The following CSMD1 variants were observed in gnomAD, a reference collection of about 807,000 sequenced individuals.
CSMD1 encodes the protein CUB and Sushi multiple domains 1.
In CSMD1, 213 loss-of-function variants were observed where a neutral mutation model predicts 417.5. The ratio of observed to expected loss-of-function variants is 0.51; its 90% CI spans 0.46 to 0.57. CSMD1 has a LOEUF of 0.57. CSMD1 is among the 20% of genes least tolerant of loss of function. The pLI is 0.00. For synonymous variants in CSMD1, 2,862 were observed against 1,736.8 expected (o/e 1.65, Z -16.11); for missense variants, 6,923 against 4,529.7 (o/e 1.53, Z -15.17).
intron 12 of CSMD1, among the ~76,000 whole-genome samples, chr8:3,429,083 T>C (rs778318061): frequency 2.0e-5 from 3 of 152,016 alleles, no homozygotes; most frequent in South Asian, 4.1e-4. Context: ...AGGTGCAGGG[T>C]CTCAGGTAGA....
At chr8:3,898,528 C>A (rs1046952033) in intron 5 of CSMD1, among the ~76,000 whole-genome samples, 1 of 152,202 alleles carries the variant, frequency 6.6e-6, no homozygotes, top group Admixed American at 6.5e-5. Context: ...TCTGTCATAT[C>A]TTTGGGTTGT....
At chr8:4,130,535 C>G (rs1387048443) in intron 3 of CSMD1, among the ~76,000 whole-genome samples, 2 of 152,128 alleles carry the variant, frequency 1.3e-5, no homozygotes, top group East Asian at 1.9e-4. Context: ...CATTAGGATT[C>G]TTCTTTCCTG....
chr8:4,135,437 G>A (rs989249637), intron 3 of CSMD1, among the ~76,000 whole-genome samples: 14 of 149,084 alleles, frequency 9.4e-5, no homozygotes, highest in Non-Finnish European at 3.0e-5. Flanking sequence ...AAGGAGGGAA[G>A]GACGGAAATT....
intron 47 of CSMD1, among the ~76,000 whole-genome samples, chr8:3,092,343 A>C (rs7002758): frequency 0.17 from 25,672 of 152,098 alleles, 3,514 homozygotes; most frequent in African/African-American, 0.39. Flanking sequence ...GATAAATATA[A>C]TAGGATAACA....
At chr8:4,431,315 G>C (rs1243956935) in intron 2 of CSMD1, among the ~76,000 whole-genome samples, 2 of 151,958 alleles carry the variant, frequency 1.3e-5, no homozygotes, top group South Asian at 2.1e-4. Context: ...TTTTTACTTC[G>C]TGATTTTCTT....
At chr8:3,588,753 T>TA (rs11444181) in intron 8 of CSMD1, among the ~76,000 whole-genome samples, 53,078 of 151,804 alleles carry the variant, frequency 0.35, 10,417 homozygotes, top group Middle Eastern at 0.44. Flanking sequence ...CTAAAACCCT[T>TA]ACGCACAGTA....
intron 2 of CSMD1, among the ~76,000 whole-genome samples, chr8:4,566,867 A>T (rs1240277773): frequency 1.1e-5 from 1 of 88,332 alleles, no homozygotes; most frequent in Non-Finnish European, 2.6e-5. Flanking sequence ...TTCTTTAAAA[A>T]ATATTGACTT....
chr8:4,520,813 C>T lies in CSMD1; in HGVS notation c.303-100748G>A, dbSNP rs116679580. Among the ~76,000 whole-genome samples the T allele has an allele frequency of 7.8e-3, 1,192 of 152,054 alleles. 16 individuals carry two copies. The highest frequency in any genetic ancestry group is 0.025 in the African/African-American group (1,030 of 41,488). On this transcript the variant is annotated intron_variant, in intron 2 of 69. Coordinates refer to ENST00000635120, the MANE Select transcript of CSMD1 (RefSeq NM_033225.6). ...GAAAATTTGAAATTATATTGGAGTGCCCTGTAAGTATAACGTATATACCAG... is the reference window on the plus strand; with the variant it reads ...GAAAATTTGAAATTATATTGGAGTGTCCTGTAAGTATAACGTATATACCAG...
At chr8:4,314,022 AATAATAATAATAATG>A (rs1201509955) in intron 3 of CSMD1, among the ~76,000 whole-genome samples, 1 of 150,718 alleles carries the variant, frequency 6.6e-6, no homozygotes, top group Non-Finnish European at 1.5e-5. Context: ...TCAAAATAAT[AATAATAATAATAATG>A]ATAATAATAA....
chr8:3,339,808 T>A (rs896960495), intron 23 of CSMD1, among the ~76,000 whole-genome samples: 2 of 152,170 alleles, frequency 1.3e-5, no homozygotes, highest in East Asian at 1.9e-4. Flanking sequence ...TGGACACTCA[T>A]TGTCCCCGAT....
At chr8:3,075,837 C>T (rs753816924) in intron 49 of CSMD1, among the ~76,000 whole-genome samples, 27 of 149,780 alleles carry the variant, frequency 1.8e-4, no homozygotes, top group African/African-American at 6.6e-4. Flanking sequence ...GTCAGGAGAT[C>T]GAGACCATCC....
At chr8:4,669,761 T>TG (rs1303205830) in intron 1 of CSMD1, among the ~76,000 whole-genome samples, 4 of 152,058 alleles carry the variant, frequency 2.6e-5, no homozygotes, top group African/African-American at 7.2e-5. Context: ...GGGTCAGAGG[T>TG]AGGGGGTACT....
intron 5 of CSMD1, among the ~76,000 whole-genome samples, chr8:3,888,731 C>G (rs1347590269): frequency 2.0e-5 from 3 of 152,082 alleles, no homozygotes; most frequent in African/African-American, 4.8e-5. Flanking sequence ...CTTATTGAGT[C>G]CCAGTCTCTG....
intron 3 of CSMD1, among the ~76,000 whole-genome samples, chr8:4,115,324 T>C (rs1267490867): frequency 6.6e-6 from 1 of 152,258 alleles, no homozygotes. Context: ...AATTAAGGTA[T>C]GTACACATTT....
intron 3 of CSMD1, among the ~76,000 whole-genome samples, chr8:4,283,965 G>A (rs756388255): frequency 2.0e-5 from 3 of 152,150 alleles, no homozygotes. Context: ...AGGGGTGGTG[G>A]CTCACACTTG....
At chr8:3,652,149 TTACCACCATCAGAGC>T (rs1797889805) in intron 7 of CSMD1, among the ~76,000 whole-genome samples, 1 of 145,986 alleles carries the variant, frequency 6.8e-6, no homozygotes. Context: ...ATCAGAGCGC[TTACCACCATCAGAGC>T]GCTTACCACC....
intron 3 of CSMD1, among the ~76,000 whole-genome samples, chr8:4,273,657 A>C (rs1027181960): frequency 6.6e-6 from 1 of 152,210 alleles, no homozygotes; most frequent in Non-Finnish European, 1.5e-5. Context: ...AGAGAGCAGT[A>C]ATCTGTAGCA....
At chr8:3,451,856 G>C (rs961389758) in intron 12 of CSMD1, among the ~76,000 whole-genome samples, 1 of 152,146 alleles carries the variant, frequency 6.6e-6, no homozygotes, top group Non-Finnish European at 1.5e-5. Context: ...CGTGAAGAAA[G>C]TCATTGGTAG....
chr8:4,305,024 T>TC (rs1307729961), intron 3 of CSMD1, among the ~76,000 whole-genome samples: 1 of 152,148 alleles, frequency 6.6e-6, no homozygotes, highest in African/African-American at 2.4e-5. Context: ...AACACACAGT[T>TC]CCCCACGTTA....
Sources: allele counts gnomAD v4.1 joint callset (sites outside exome capture counted in the v4.1 genomes callset), GRCh38; gene constraint gnomAD v4.1.1; transcripts MANE v1.5; gene names NCBI Gene and HGNC (gene_info 2026-07-23, HGNC 2026-07-21).